The following ERC2 variants were observed in gnomAD, a reference collection of about 807,000 sequenced individuals.
ERC2 encodes ERC protein 2.
Under a neutral mutation model 114.8 loss-of-function variants are expected in ERC2, and 42 were observed. That is an observed-to-expected ratio of 0.37 (90% CI 0.29 to 0.47). The LOEUF is 0.47. Ranked by LOEUF, ERC2 falls within the 20% of genes least tolerant of loss-of-function variation. ERC2 has a pLI of 0.99. For missense variants in ERC2, 939 were observed against 1,150.7 expected (o/e 0.82, Z 2.66); for synonymous variants, 454 against 425.5 (o/e 1.07, Z -0.82).
At chr3:56,176,640 C>T (rs185096490) in intron 3 of ERC2, among the ~76,000 whole-genome samples, 87 of 152,238 alleles carry the variant, frequency 5.7e-4, no homozygotes, top group African/African-American at 1.9e-3. Flanking sequence ...TTCTGAGGCT[C>T]ATCTTGATTC....
At chr3:56,194,935 C>T (rs1038336335) in intron 3 of ERC2, among the ~76,000 whole-genome samples, 1 of 152,056 alleles carries the variant, frequency 6.6e-6, no homozygotes, top group Non-Finnish European at 1.5e-5. Context: ...CCTCACTTAT[C>T]CAAGGAGAAT....
At chr3:56,212,137 TAAAG>T (rs371319917) in intron 3 of ERC2, among the ~76,000 whole-genome samples, 287 of 151,838 alleles carry the variant, frequency 1.9e-3, no homozygotes, top group African/African-American at 6.5e-3. Flanking sequence ...ACAAAAGTAA[TAAAG>T]AAAACAGAGA....
At chr3:56,415,592 C>G (rs1034884708) in intron 2 of ERC2, among the ~76,000 whole-genome samples, 5 of 152,242 alleles carry the variant, frequency 3.3e-5, no homozygotes, top group Non-Finnish European at 7.3e-5. Flanking sequence ...TATTTAAGAA[C>G]AACCTCTTTT....
intron 17 of ERC2, among the ~76,000 whole-genome samples, chr3:55,642,318 CT>C (rs1352908307): frequency 0.043 from 6,065 of 141,236 alleles, 385 homozygotes; most frequent in African/African-American, 0.14. Flanking sequence ...CAGATCACAG[CT>C]TTTTTTTTTT....
chr3:56,226,194 C>G (rs1349803319), intron 3 of ERC2, among the ~76,000 whole-genome samples: 1 of 152,066 alleles, frequency 6.6e-6, no homozygotes, highest in Non-Finnish European at 1.5e-5. Flanking sequence ...TTCCTATGAG[C>G]AATCGAGTCT....
At chr3:55,896,335 G>A (rs947069509) in intron 13 of ERC2, among the ~76,000 whole-genome samples, 1 of 152,232 alleles carries the variant, frequency 6.6e-6, no homozygotes, top group South Asian at 2.1e-4. Context: ...GCCTCCCTAA[G>A]GCAAGCAAGT....
chr3:56,012,539 G>A (rs1276161453), intron 8 of ERC2, among the ~76,000 whole-genome samples: 1 of 152,118 alleles, frequency 6.6e-6, no homozygotes, highest in Non-Finnish European at 1.5e-5. Context: ...GAAGGAAGGA[G>A]AACTCAATTA....
At chr3:56,236,009 C>T (rs2050919912) in intron 3 of ERC2, among the ~76,000 whole-genome samples, 1 of 152,204 alleles carries the variant, frequency 6.6e-6, no homozygotes, top group Non-Finnish European at 1.5e-5. Context: ...ATTCAAAGAA[C>T]ACTCTCCTGT....
intron 13 of ERC2, among the ~76,000 whole-genome samples, chr3:55,894,475 T>C (rs978235258): frequency 3.3e-5 from 5 of 152,232 alleles, no homozygotes; most frequent in Admixed American, 6.5e-5. Context: ...TACATATGCA[T>C]GTTTGTTACA....
chr3:55,678,854 T>C (rs1248712479), intron 17 of ERC2, among the ~76,000 whole-genome samples: 1 of 152,192 alleles, frequency 6.6e-6, no homozygotes, highest in Admixed American at 6.5e-5. Context: ...AATTTTGTCC[T>C]TTGTCTTACC....
At chr3:55,828,009 G>T (rs1224396114) in intron 14 of ERC2, among the ~76,000 whole-genome samples, 1 of 152,230 alleles carries the variant, frequency 6.6e-6, no homozygotes, top group Non-Finnish European at 1.5e-5. Flanking sequence ...CTGGAAAGTT[G>T]TCAGCCATTT....
chr3:55,587,904 G>A (rs2057679871), intron 17 of ERC2, among the ~76,000 whole-genome samples: 1 of 152,184 alleles, frequency 6.6e-6, no homozygotes. Context: ...CACTTACACA[G>A]GGTCAACCTG....
intron 2 of ERC2, among the ~76,000 whole-genome samples, chr3:56,323,052 T>C (rs941427066): frequency 3.3e-5 from 5 of 152,186 alleles, no homozygotes; most frequent in Non-Finnish European, 5.9e-5. Flanking sequence ...CACACTGTGC[T>C]TCCCCTTCTG....
At chr3:56,352,392 C>T (rs1307961410) in intron 2 of ERC2, among the ~76,000 whole-genome samples, 1 of 152,162 alleles carries the variant, frequency 6.6e-6, no homozygotes, top group Admixed American at 6.5e-5. Context: ...AGAATGGCCT[C>T]AAAGTGTGTG....
chr3:56,053,430 A>T lies in ERC2; in HGVS notation c.1641+27387T>A, dbSNP rs1337922418. Among the ~76,000 whole-genome samples the T allele has an allele frequency of 2.0e-5, 3 of 152,320 alleles. No individual in the cohort carries two copies. In the South Asian group the frequency reaches 6.2e-4, roughly 32 times the overall value. On this transcript the variant is annotated intron_variant, in intron 7 of 17. Transcript: ENST00000288221. ...GGGGTAGAACATGTAAGCTGTATTT[A>T]CATCTCAAAGGACAGGATGACCTCA...
In ERC2 at chr3:56,034,764, T is replaced by C. The variant is rs150306684; in HGVS notation, c.1642-15733A>G. ...AAATCAAAAGGGAAATTTAAAAATA[T>C]ATTGAAACAAATAAAAATGGAAACA... On this transcript the variant is annotated intron_variant, in intron 7 of 17. Coordinates refer to ENST00000288221, the MANE Select transcript of ERC2 (RefSeq NM_015576.3). Among the ~76,000 whole-genome samples, 65 of 152,144 alleles carry C rather than the reference T, an allele frequency of 4.3e-4. 1 individual carries two copies. In the East Asian group the frequency reaches 0.011, roughly 26 times the overall value.
At chr3:55,883,919 C>T (rs994250313) in intron 14 of ERC2, among the ~76,000 whole-genome samples, 2 of 151,830 alleles carry the variant, frequency 1.3e-5, no homozygotes, top group African/African-American at 2.4e-5. Context: ...ACAACAACAA[C>T]AACAACAACA....
At chr3:55,721,508 AG>A (rs1189868606) in intron 15 of ERC2, among the ~76,000 whole-genome samples, 2 of 152,234 alleles carry the variant, frequency 1.3e-5, no homozygotes, top group African/African-American at 4.8e-5. Flanking sequence ...CAAAACTACA[AG>A]GGCTTAGAGG....
chr3:56,211,622 A>G (rs1183500079), intron 3 of ERC2, among the ~76,000 whole-genome samples: 1 of 152,190 alleles, frequency 6.6e-6, no homozygotes, highest in Non-Finnish European at 1.5e-5. Context: ...TGTGGAACCA[A>G]AAAAGAACCC....
Sources: allele counts gnomAD v4.1 joint callset (sites outside exome capture counted in the v4.1 genomes callset), GRCh38; gene constraint gnomAD v4.1.1; transcripts MANE v1.5; gene names NCBI Gene and HGNC (gene_info 2026-07-23, HGNC 2026-07-21).